B4GALT6: variants seen among roughly 807,000 people sequenced by gnomAD.
The protein encoded by B4GALT6 is UDP-Gal:beta-GlcNAc beta-1,4-galactosyltransferase 6.
A neutral mutation model predicts 46.3 loss-of-function variants in B4GALT6; 14 were observed. That is an observed-to-expected ratio of 0.30 (90% CI 0.20 to 0.47). The LOEUF is 0.47. B4GALT6 is among the 20% of genes least tolerant of loss of function. B4GALT6 has a pLI of 0.99. For synonymous variants in B4GALT6, 168 were observed against 162.0 expected (o/e 1.04, Z -0.28); for missense variants, 386 against 480.1 (o/e 0.80, Z 1.83).
chr18:31,648,267 T>A (rs534215365), intron 3 of B4GALT6, among the ~76,000 whole-genome samples: 12 of 152,162 alleles, frequency 7.9e-5, no homozygotes, highest in Non-Finnish European at 1.8e-4. Context: ...CAGTTAGAGA[T>A]TTAAAGATCA....
At chr18:31,644,438 G>T (rs1269147685) in intron 4 of B4GALT6, among the ~76,000 whole-genome samples, 1 of 151,406 alleles carries the variant, frequency 6.6e-6, no homozygotes, top group Non-Finnish European at 1.5e-5. Context: ...CCTACTAGTG[G>T]TTTTTTTTGG....
At chr18:31,700,708 G>A in the B4GALT6 span, among the ~76,000 whole-genome samples, 4 of 151,880 alleles carry the variant, frequency 2.6e-5, no homozygotes, top group Admixed American at 1.3e-4. Context: ...TGCATGCCTC[G>A]GCCTCCCAAA....
intron 1 of B4GALT6, among the ~76,000 whole-genome samples, chr18:31,672,437 TAAG>T (rs993427734): frequency 1.3e-5 from 2 of 152,058 alleles, no homozygotes; most frequent in African/African-American, 4.8e-5. Context: ...AAAAAGGAGA[TAAG>T]AAGGTGAAGA....
At chr18:31,686,380 A>G (rs1328643470), upstream of B4GALT6, 3 of 152,250 alleles carry the variant, frequency 2.0e-5, no homozygotes, top group Admixed American at 6.5e-5. Flanking sequence ...GACCCCTGGA[A>G]GCTACTACTT....
intron 2 of B4GALT6, among the ~76,000 whole-genome samples, chr18:31,665,952 T>C (rs920644869): frequency 2.0e-5 from 3 of 152,240 alleles, no homozygotes; most frequent in Admixed American, 6.5e-5. Flanking sequence ...GAATAAATTA[T>C]TCTCTGGTTA....
chr18:31,674,833 C>T (rs1180956134), intron 1 of B4GALT6, among the ~76,000 whole-genome samples: 5 of 151,640 alleles, frequency 3.3e-5, no homozygotes, highest in Non-Finnish European at 5.9e-5. Flanking sequence ...TAACAAATGT[C>T]AAGGATGTGC....
At chr18:31,723,347 T>C in the B4GALT6 span, among the ~76,000 whole-genome samples, 96 of 152,290 alleles carry the variant, frequency 6.3e-4, no homozygotes, top group Admixed American at 2.6e-3. Context: ...TAGGTAAGAA[T>C]GGCTATGGGG....
intron 3 of B4GALT6, among the ~76,000 whole-genome samples, chr18:31,655,751 C>T (rs1176189863): frequency 1.3e-5 from 2 of 152,106 alleles, no homozygotes; most frequent in Non-Finnish European, 2.9e-5. Context: ...CAGAACATTA[C>T]CCAGTGGTTT....
the B4GALT6 span, among the ~76,000 whole-genome samples, chr18:31,713,943 C>A: frequency 6.6e-6 from 1 of 152,140 alleles, no homozygotes; most frequent in African/African-American, 2.4e-5. Context: ...CATTTGAAAT[C>A]TCTCAATTAT....
chr18:31,631,340 C>G (rs2073787792), intron 5 of B4GALT6, among the ~76,000 whole-genome samples, 194 bp from the exon 6 acceptor site: 1 of 151,994 alleles, frequency 6.6e-6, no homozygotes, highest in Admixed American at 6.6e-5. Context: ...GTGTGAGCCA[C>G]CGCGCCCGGC....
chr18:31,690,508 C>T (rs1367588766), upstream of B4GALT6, among the ~76,000 whole-genome samples: 2 of 151,138 alleles, frequency 1.3e-5, no homozygotes, highest in African/African-American at 2.4e-5. Context: ...TCACTCTTGT[C>T]GCACAGGCTG....
At chr18:31,654,818 CTATTA>C (rs1567971923) in intron 3 of B4GALT6, among the ~76,000 whole-genome samples, 1 of 152,284 alleles carries the variant, frequency 6.6e-6, no homozygotes, top group Middle Eastern at 3.4e-3. Context: ...TTTTGTGTAA[CTATTA>C]TAAGATTTTA....
chr18:31,701,132 A>G, the B4GALT6 span, among the ~76,000 whole-genome samples: 1 of 152,154 alleles, frequency 6.6e-6, no homozygotes, highest in Non-Finnish European at 1.5e-5. Flanking sequence ...CGTAATCCCC[A>G]ATGTTGGAGG....
At chr18:31,649,992 T>G (rs893276448) in intron 3 of B4GALT6, among the ~76,000 whole-genome samples, 9 of 152,338 alleles carry the variant, frequency 5.9e-5, no homozygotes, top group Non-Finnish European at 4.4e-5. Flanking sequence ...CAATAGTGAA[T>G]TCACAGTGAC....
chr18:31,632,415 C>T (rs2073802526), intron 5 of B4GALT6, among the ~76,000 whole-genome samples: 1 of 152,150 alleles, frequency 6.6e-6, no homozygotes, highest in Non-Finnish European at 1.5e-5. Context: ...TAAATGTGGA[C>T]ATAATACTCA....
In B4GALT6 at chr18:31,624,503, A is replaced by G. The variant is rs1368875910; in HGVS notation, c.*1111T>C. ...TTCTATGTCTGAAAACTAAACTTAAAATTTGTTTTTATCTACTAAGTATTT... is the reference window on the plus strand; with the variant it reads ...TTCTATGTCTGAAAACTAAACTTAAGATTTGTTTTTATCTACTAAGTATTT... On this transcript the variant is annotated 3_prime_UTR_variant, in exon 9 of 9. Coordinates refer to ENST00000306851, the MANE Select transcript of B4GALT6 (RefSeq NM_004775.5). 1 of 152,008 alleles carries G rather than the reference A, an allele frequency of 6.6e-6. No homozygotes were observed. The highest frequency in any genetic ancestry group is 1.5e-5 in the Non-Finnish European group (1 of 67,946). The allele number at this position is 152,008 out of a possible 1,614,324, so 9.4% of individuals were successfully genotyped here.
At chr18:31,698,070 G>T in the B4GALT6 span, among the ~76,000 whole-genome samples, 1 of 152,086 alleles carries the variant, frequency 6.6e-6, no homozygotes, top group African/African-American at 2.4e-5. Flanking sequence ...GGCTCCTTCA[G>T]GGATTCTATT....
At position 31,662,382 on chromosome 18, in the gene B4GALT6, C is replaced by T. The variant is rs184633509; in HGVS notation, c.232+3874G>A. ...ATGTGTATATAGTCTATCCGCCACCCCGGCCATTATTCTGAATATCTCTTT... is the reference window on the plus strand; with the variant it reads ...ATGTGTATATAGTCTATCCGCCACCTCGGCCATTATTCTGAATATCTCTTT... On this transcript the variant is annotated intron_variant, in intron 2 of 8. Transcript: ENST00000306851. 2.5e-3 allele frequency among the ~76,000 whole-genome samples: 384 copies of T among 152,272 alleles called. 1 individual carries two copies. The highest frequency in any genetic ancestry group is 4.1e-3 in the Non-Finnish European group (280 of 68,022).
chr18:31,694,030 C>T, the B4GALT6 span, among the ~76,000 whole-genome samples: 1 of 152,176 alleles, frequency 6.6e-6, no homozygotes, highest in Non-Finnish European at 1.5e-5. Flanking sequence ...GATGTTAATT[C>T]TTCCTAAATG....
Sources: gnomAD v4.1 joint callset for allele counts (sites outside exome capture counted in the v4.1 genomes callset) on GRCh38, gnomAD v4.1.1 for gene constraint, MANE v1.5 for transcripts, NCBI Gene and HGNC (gene_info 2026-07-23, HGNC 2026-07-21) for gene names.